The following AGPAT5 variants were observed in gnomAD, a reference collection of about 807,000 sequenced individuals.
AGPAT5 encodes 1-acyl-sn-glycerol-3-phosphate acyltransferase epsilon.
AGPAT5 carries 46 observed loss-of-function variants against 45.6 expected under a neutral mutation model. That is an observed-to-expected ratio of 1.01 (90% CI 0.80 to 1.29). The LOEUF (loss-of-function observed/expected upper bound fraction) is 1.29, where lower values mean the gene tolerates loss of function less well. AGPAT5 is among the 50% of genes most tolerant of loss of function. The probability of loss-of-function intolerance (pLI) is 0.00; values close to 1 mark genes in which losing one functional copy is unlikely to be tolerated. For synonymous variants in AGPAT5, 272 were observed against 167.0 expected, an observed-to-expected ratio of 1.63 and a Z score of -4.85; for missense variants, 673 against 450.7, an observed-to-expected ratio of 1.49 and a Z score of -4.47.
At chr8:6,755,292 C>T in intron 7 of AGPAT5, 118 bp downstream of exon 7, 2 of 1,170,202 alleles carry the variant, frequency 1.7e-6, no homozygotes, top group Non-Finnish European at 2.4e-6. Flanking sequence ...TTTATAAATT[C>T]AAATCAAATT....
chr8:6,749,599 A>G (rs1005087549), intron 6 of AGPAT5, among the ~76,000 whole-genome samples: 2 of 152,180 alleles, frequency 1.3e-5, no homozygotes, highest in Non-Finnish European at 2.9e-5. Context: ...ATTTAAGTAT[A>G]TCTTCTTATT....
intron 5 of AGPAT5, among the ~76,000 whole-genome samples, chr8:6,747,059 A>G (rs965975603): frequency 1.3e-5 from 2 of 152,264 alleles, no homozygotes; most frequent in Non-Finnish European, 2.9e-5. Context: ...CAGCCTTCAT[A>G]TGCAATTCCT....
chr8:6,741,013 A>T (rs1261621888), intron 4 of AGPAT5, among the ~76,000 whole-genome samples: 3 of 152,286 alleles, frequency 2.0e-5, no homozygotes, highest in African/African-American at 7.2e-5. Flanking sequence ...TCCTAAGCAG[A>T]TAAGCGTAAA....
chr8:6,723,292 C>A (rs1461520563), intron 1 of AGPAT5, among the ~76,000 whole-genome samples: 1 of 152,144 alleles, frequency 6.6e-6, no homozygotes, highest in Non-Finnish European at 1.5e-5. Flanking sequence ...ATTAGGTGTG[C>A]AGTGTGTTCT....
chr8:6,724,082 A>G (rs1418079483), intron 1 of AGPAT5, among the ~76,000 whole-genome samples: 3 of 152,208 alleles, frequency 2.0e-5, no homozygotes, highest in Non-Finnish European at 4.4e-5. Flanking sequence ...AAGACACACA[A>G]AACAGCAGAA....
At chr8:6,739,151 T>C (rs1801154938) in intron 4 of AGPAT5, among the ~76,000 whole-genome samples, 2 of 152,132 alleles carry the variant, frequency 1.3e-5, no homozygotes, top group Non-Finnish European at 2.9e-5. Flanking sequence ...TTGATCTATA[T>C]ATATATATCC....
At chr8:6,732,517 T>C in intron 3 of AGPAT5, 44 bp from the exon 4 acceptor site, 2 of 1,529,156 alleles carry the variant, frequency 1.3e-6, no homozygotes, top group Non-Finnish European at 1.8e-6. Context: ...GGCCAATTGT[T>C]ATTTTAAAAG....
At chr8:6,716,973 G>GA (rs1461962147) in intron 1 of AGPAT5, among the ~76,000 whole-genome samples, 1 of 152,186 alleles carries the variant, frequency 6.6e-6, no homozygotes, top group Non-Finnish European at 1.5e-5. Context: ...TAGTTGATAA[G>GA]TTTTGCTCTA....
chr8:6,742,155 A>G (rs1801263385), intron 5 of AGPAT5, among the ~76,000 whole-genome samples: 1 of 152,180 alleles, frequency 6.6e-6, no homozygotes, highest in African/African-American at 2.4e-5. Context: ...GCAACTTGGA[A>G]GTTGTGTAAT....
intron 4 of AGPAT5, 52 bp from the exon 5 acceptor site, chr8:6,741,609 A>C (rs767432931): frequency 7.6e-7 from 1 of 1,317,526 alleles, no homozygotes; most frequent in Non-Finnish European, 1.1e-6. Context: ...GGTTAACAAT[A>C]ACAAAAACAA....
intron 3 of AGPAT5, among the ~76,000 whole-genome samples, chr8:6,731,784 T>C (rs1445797478): frequency 6.6e-6 from 1 of 152,172 alleles, no homozygotes; most frequent in Non-Finnish European, 1.5e-5. Flanking sequence ...AAACTTACTT[T>C]CTCCAGTTCT....
intron 4 of AGPAT5, among the ~76,000 whole-genome samples, chr8:6,734,885 A>T (rs932949212): frequency 5.9e-5 from 9 of 152,070 alleles, no homozygotes; most frequent in African/African-American, 1.7e-4. Flanking sequence ...TAGGTTGGGG[A>T]TGTCCTCCCG....
chr8:6,749,680 A>G (rs1801593218), intron 6 of AGPAT5, among the ~76,000 whole-genome samples: 1 of 152,224 alleles, frequency 6.6e-6, no homozygotes, highest in East Asian at 1.9e-4. Flanking sequence ...CGAAGGAGTT[A>G]CTTACCTATT....
intron 4 of AGPAT5, among the ~76,000 whole-genome samples, chr8:6,734,246 G>A (rs1279164839): frequency 1.3e-5 from 2 of 150,080 alleles, no homozygotes; most frequent in South Asian, 4.2e-4. Flanking sequence ...TGCATTATTC[G>A]TTTTTTGTTG....
intron 6 of AGPAT5, among the ~76,000 whole-genome samples, chr8:6,748,495 G>GT (rs1214727872): frequency 2.0e-5 from 3 of 151,942 alleles, no homozygotes; most frequent in African/African-American, 4.8e-5. Flanking sequence ...GCTTCATGGG[G>GT]TTTTTTTGTT....
At chr8:6,751,024 C>A (rs780054514) in intron 6 of AGPAT5, among the ~76,000 whole-genome samples, 2 of 152,076 alleles carry the variant, frequency 1.3e-5, no homozygotes, top group African/African-American at 4.8e-5. Context: ...CTTGAAAAAA[C>A]TCTGCTTTCA....
At chr8:6,709,051 G>T (rs768168185) in intron 1 of AGPAT5, 164 bp downstream of exon 1, 39 of 753,388 alleles carry the variant, frequency 5.2e-5, no homozygotes, top group Non-Finnish European at 7.3e-5. Context: ...GCTTCCTGCC[G>T]TTCTGCCGAG....
chr8:6,757,035 T>C (rs1801866317), intron 7 of AGPAT5, 128 bp from the exon 8 acceptor site: 2 of 666,586 alleles, frequency 3.0e-6, no homozygotes, highest in Non-Finnish European at 5.1e-6. Flanking sequence ...TCTGGATGTT[T>C]CCGTATTCAT....
At chr8:6,735,937 C>T (rs1011923389) in intron 4 of AGPAT5, among the ~76,000 whole-genome samples, 3 of 147,140 alleles carry the variant, frequency 2.0e-5, no homozygotes, top group Non-Finnish European at 4.4e-5. Context: ...TCACTGCAAC[C>T]TCTGCCTCAC....
Sources: allele counts gnomAD v4.1 joint callset (sites outside exome capture counted in the v4.1 genomes callset), GRCh38; gene constraint gnomAD v4.1.1; transcripts MANE v1.5; gene names NCBI Gene and HGNC (gene_info 2026-07-23, HGNC 2026-07-21).